SLCO4A1: variants seen among roughly 807,000 people sequenced by gnomAD.
The protein encoded by SLCO4A1 is colon organic anion transporter.
In SLCO4A1, 51 loss-of-function variants were observed where a neutral mutation model predicts 64.6. The ratio of observed to expected loss-of-function variants is 0.79; its 90% CI spans 0.63 to 1.00. The LOEUF (loss-of-function observed/expected upper bound fraction) is 1.00, where lower values mean the gene tolerates loss of function less well. Ranked by LOEUF, SLCO4A1 falls within the 50% of genes least tolerant of loss-of-function variation. The probability of loss-of-function intolerance (pLI) is 0.00; values close to 1 mark genes in which losing one functional copy is unlikely to be tolerated. For synonymous variants in SLCO4A1, 471 were observed against 444.9 expected, an observed-to-expected ratio of 1.06 and a Z score of -0.74; for missense variants, 919 against 980.5, an observed-to-expected ratio of 0.94 and a Z score of 0.84.
At chr20:62,688,825 G>A (rs1329556133), downstream of SLCO4A1, among the ~76,000 whole-genome samples, 1 of 152,236 alleles carries the variant, frequency 6.6e-6, no homozygotes, top group Non-Finnish European at 1.5e-5. Flanking sequence ...CTAACTTTCA[G>A]GGCCTGGGGG....
intron 6 of SLCO4A1, 74 bp from the exon 7 acceptor site, chr20:62,666,306 C>A: frequency 7.3e-7 from 1 of 1,370,710 alleles, no homozygotes. Flanking sequence ...GTAAAGTGGA[C>A]CCGGCTGATC....
chr20:62,682,488 G>A (rs1471806057), intron 2 of SLCO4A1, among the ~76,000 whole-genome samples: 3 of 152,322 alleles, frequency 2.0e-5, no homozygotes, highest in South Asian at 4.1e-4. Context: ...CGTGGTGACC[G>A]CTGAGGGGAC....
chr20:62,676,713 G>T (rs568060952), downstream of SLCO4A1, among the ~76,000 whole-genome samples: 1 of 152,216 alleles, frequency 6.6e-6, no homozygotes, highest in Admixed American at 6.5e-5. Context: ...TGGCACAGCC[G>T]CTTTGGAAAA....
intron 7 of SLCO4A1, among the ~76,000 whole-genome samples, chr20:62,667,092 C>T (rs73918609): frequency 0.016 from 2,415 of 152,358 alleles, 67 homozygotes; most frequent in African/African-American, 0.055. Flanking sequence ...AAGCACAAAG[C>T]AGCCGTTGTG....
rs1273816105 is a variant in SLCO4A1, at chr20:62,661,692, A to AG, written c.1121+519dup. On this transcript the variant is annotated intron_variant, in intron 5 of 11. Coordinates refer to ENST00000217159, the MANE Select transcript of SLCO4A1 (RefSeq NM_016354.4). This position sits in a 1 kb window ranked among gnomAD's most constrained non-coding sequence, Gnocchi z 5.2. ...CTCCCTCCCTCCCTCAGAGTCTCTGAGGACCTCCCCCCTCTACCCGGCGTG... is the reference window on the plus strand; with the variant it reads ...CTCCCTCCCTCCCTCAGAGTCTCTGAGGGACCTCCCCCCTCTACCCGGCGTG... 6.9e-6 allele frequency among the ~76,000 whole-genome samples: 1 copy of AG among 144,808 alleles called. No individual in the cohort carries two copies. The highest frequency in any genetic ancestry group is 2.6e-5 in the African/African-American group (1 of 38,638). 95.0% of individuals were successfully genotyped at this position (144,808 alleles called of 152,430 possible).
intron 3 of SLCO4A1, among the ~76,000 whole-genome samples, chr20:62,659,841 G>A (rs1026213399): frequency 1.3e-5 from 2 of 152,252 alleles, no homozygotes; most frequent in Non-Finnish European, 2.9e-5. Flanking sequence ...CCCAGAGCTT[G>A]TCCTCACTGT....
chr20:62,648,691 A>G (rs1248093433), intron 1 of SLCO4A1, among the ~76,000 whole-genome samples: 1 of 152,180 alleles, frequency 6.6e-6, no homozygotes, highest in East Asian at 1.9e-4. Flanking sequence ...AGGCCTCCAG[A>G]AGGTTCCTGG....
chr20:62,658,996 C>T (rs991730467), intron 3 of SLCO4A1, among the ~76,000 whole-genome samples: 1 of 152,230 alleles, frequency 6.6e-6, no homozygotes, highest in Non-Finnish European at 1.5e-5. Context: ...CAGGCAGTGC[C>T]CGAGGCCTAA....
At chr20:62,686,284 C>T (rs1339705922), downstream of SLCO4A1, among the ~76,000 whole-genome samples, 2 of 152,188 alleles carry the variant, frequency 1.3e-5, no homozygotes, top group African/African-American at 4.8e-5. Flanking sequence ...TGGAAACGAG[C>T]CTTCCTCCCC....
intron 3 of SLCO4A1, 28 bp downstream of exon 3, chr20:62,658,795 C>A: frequency 6.5e-7 from 1 of 1,540,778 alleles, no homozygotes; most frequent in Non-Finnish European, 8.9e-7. Flanking sequence ...CAGCTGCCTG[C>A]GCTGGAGAGG....
At chr20:62,672,362 C>T (rs538019252), downstream of SLCO4A1, 8 of 878,842 alleles carry the variant, frequency 9.1e-6, no homozygotes, top group South Asian at 1.2e-4. Flanking sequence ...CCTTGGCCCA[C>T]GTCCTGTAGT....
intron 1 of SLCO4A1, among the ~76,000 whole-genome samples, chr20:62,652,711 G>A (rs927543224): frequency 6.6e-6 from 1 of 152,224 alleles, no homozygotes; most frequent in African/African-American, 2.4e-5. Context: ...CTGCCAGCTC[G>A]TGGATAGGTG....
downstream of SLCO4A1, among the ~76,000 whole-genome samples, chr20:62,688,704 C>T (rs559681170): frequency 9.2e-5 from 14 of 152,182 alleles, no homozygotes; most frequent in African/African-American, 1.4e-4. Context: ...CCAGCAAACC[C>T]GGTCCCCTGA....
At chr20:62,657,524 C>T (rs1371953226) in intron 2 of SLCO4A1, among the ~76,000 whole-genome samples, 1 of 152,242 alleles carries the variant, frequency 6.6e-6, no homozygotes, top group Non-Finnish European at 1.5e-5. Context: ...TGGTGTCCAG[C>T]CCACCTTGCC....
chr20:62,666,967 CA>C (rs1463640192), intron 7 of SLCO4A1, among the ~76,000 whole-genome samples: 1 of 152,192 alleles, frequency 6.6e-6, no homozygotes, highest in Non-Finnish European at 1.5e-5. Context: ...GTGGGAGGGA[CA>C]CCTGCTGGTC....
downstream of SLCO4A1, among the ~76,000 whole-genome samples, chr20:62,689,333 A>G (rs773401444): frequency 4.7e-5 from 7 of 149,486 alleles, no homozygotes; most frequent in Non-Finnish European, 1.0e-4. Context: ...CGTGCCTCGC[A>G]GGCCTGTCTC....
At chr20:62,671,661 G>T in intron 11 of SLCO4A1, 89 bp from the exon 12 acceptor site, 1 of 1,255,294 alleles carries the variant, frequency 8.0e-7, no homozygotes. Flanking sequence ...CTGCAGGCTG[G>T]GGCAGGGACA....
intron 2 of SLCO4A1, among the ~76,000 whole-genome samples, chr20:62,683,827 T>C (rs1046501711): frequency 2.6e-5 from 4 of 152,356 alleles, no homozygotes; most frequent in Middle Eastern, 3.4e-3. Flanking sequence ...GATGCAACGC[T>C]GCACCGGATG....
intron 1 of SLCO4A1, 103 bp downstream of exon 1, chr20:62,642,656 CG>C (rs1407243094): frequency 1.9e-5 from 3 of 154,120 alleles, no homozygotes; most frequent in Non-Finnish European, 2.7e-5. Flanking sequence ...GCTGGAGCGC[CG>C]GGGGGATGCG....
Sources: gnomAD v4.1 joint callset for allele counts (sites outside exome capture counted in the v4.1 genomes callset) on GRCh38, gnomAD v4.1.1 for gene constraint, Gnocchi (gnomAD v3.1) non-coding constraint, MANE v1.5 for transcripts, NCBI Gene and HGNC (gene_info 2026-07-23, HGNC 2026-07-21) for gene names.